Variants in NCKAP5 observed in about 807,000 individuals in gnomAD.
NCKAP5 encodes the protein nck-associated protein 5.
Under a neutral mutation model 167.0 loss-of-function variants are expected in NCKAP5, and 92 were observed. The observed-to-expected ratio is 0.55, with a 90% CI of 0.47 to 0.66. NCKAP5 has a LOEUF of 0.66. NCKAP5 is among the 30% of genes least tolerant of loss of function. NCKAP5 has a pLI of 0.00. For synonymous variants in NCKAP5, 891 were observed against 877.4 expected (o/e 1.02, Z -0.27); for missense variants, 2,378 against 2,315.0 (o/e 1.03, Z -0.56).
At chr2:133,450,093 G>A (rs1485482758) in intron 3 of NCKAP5, among the ~76,000 whole-genome samples, 3 of 152,196 alleles carry the variant, frequency 2.0e-5, no homozygotes, top group Non-Finnish European at 1.5e-5. Context: ...AGGCAATACA[G>A]GCCAAGTTGA....
chr2:133,574,307 G>C, the NCKAP5 span, among the ~76,000 whole-genome samples: 3 of 152,146 alleles, frequency 2.0e-5, no homozygotes, highest in East Asian at 1.9e-4. Flanking sequence ...AGACGACCAC[G>C]CTAGGATGTG....
At chr2:133,263,375 T>G (rs1484041080) in intron 4 of NCKAP5, among the ~76,000 whole-genome samples, 1 of 151,892 alleles carries the variant, frequency 6.6e-6, no homozygotes, top group Non-Finnish European at 1.5e-5. Context: ...ATCTTGAACC[T>G]TCCTCATAAC....
At chr2:133,395,777 T>C (rs540441057) in intron 3 of NCKAP5, among the ~76,000 whole-genome samples, 10 of 152,136 alleles carry the variant, frequency 6.6e-5, no homozygotes, top group Admixed American at 5.9e-4. Flanking sequence ...TCCTGAGTAG[T>C]TGAGGCTATA....
intron 11 of NCKAP5, among the ~76,000 whole-genome samples, chr2:132,852,519 C>A (rs1051213167): frequency 2.6e-5 from 4 of 152,186 alleles, no homozygotes; most frequent in Non-Finnish European, 5.9e-5. Context: ...AAATTTCAGC[C>A]AGCATGACAC....
rs1034585371 is a variant in NCKAP5 at position 132,867,749 on chromosome 2, A to C, written c.687+1187T>G. Among the ~76,000 whole-genome samples the C allele has an allele frequency of 4.6e-5, 7 of 152,200 alleles. No homozygotes were observed. In the East Asian group the frequency reaches 1.3e-3, roughly 29 times the overall value. ...GGGACCCCAAGGACTTTATGGAGCA[A>C]AGTTACCATTCCTGTTCGGCCTACC... On this transcript the variant is annotated intron_variant, in intron 10 of 19. Coordinates refer to ENST00000409261, the MANE Select transcript of NCKAP5 (RefSeq NM_207363.3).
intron 19 of NCKAP5, among the ~76,000 whole-genome samples, chr2:132,695,479 T>C (rs1687217703): frequency 6.6e-6 from 1 of 152,156 alleles, no homozygotes; most frequent in African/African-American, 2.4e-5. Context: ...CTTCCTTTTA[T>C]TCTATGTGTG....
intron 4 of NCKAP5, among the ~76,000 whole-genome samples, chr2:133,266,930 C>G (rs2089263900): frequency 6.6e-6 from 1 of 152,090 alleles, no homozygotes; most frequent in Admixed American, 6.5e-5. Flanking sequence ...TCGATTCCCA[C>G]CCCCTACCCA....
intron 6 of NCKAP5, among the ~76,000 whole-genome samples, chr2:133,110,799 C>T (rs186454084): frequency 5.6e-4 from 85 of 152,316 alleles, no homozygotes; most frequent in African/African-American, 1.9e-3. Flanking sequence ...CAAAATACCA[C>T]AGACTGGGGG....
intron 5 of NCKAP5, among the ~76,000 whole-genome samples, chr2:133,138,537 A>C (rs1574150266): frequency 2.0e-5 from 3 of 152,316 alleles, no homozygotes; most frequent in Admixed American, 2.0e-4. Context: ...TGTCATTTTC[A>C]CATCATGATT....
intron 3 of NCKAP5, among the ~76,000 whole-genome samples, chr2:133,324,261 C>T (rs1025031164): frequency 3.9e-5 from 6 of 152,220 alleles, no homozygotes; most frequent in Non-Finnish European, 8.8e-5. Flanking sequence ...ATAAACACCC[C>T]ACATTGAGAG....
At chr2:132,991,473 G>A (rs1020245491) in intron 7 of NCKAP5, among the ~76,000 whole-genome samples, 1 of 152,274 alleles carries the variant, frequency 6.6e-6, no homozygotes, top group South Asian at 2.1e-4. Flanking sequence ...TCCTTTGAGA[G>A]AATCCATGTT....
Position 133,409,090 on chromosome 2 carries a change from G to A in NCKAP5, c.70-105980C>T, listed in dbSNP as rs141556109. On this transcript the variant is annotated intron_variant, in intron 3 of 19. Transcript: ENST00000409261. ...ACATTTGCCATAGAGCTGAAGTGCT[G>A]TGAACCAATTTGGTCACACAAAATA... 1.5e-3 allele frequency among the ~76,000 whole-genome samples: 223 copies of A among 152,340 alleles called. 2 individuals are homozygous for A. The highest frequency in any genetic ancestry group is 5.3e-3 in the African/African-American group (221 of 41,576).
chr2:132,890,672 C>T (rs1333270024), intron 8 of NCKAP5, among the ~76,000 whole-genome samples: 1 of 152,186 alleles, frequency 6.6e-6, no homozygotes, highest in Non-Finnish European at 1.5e-5. Flanking sequence ...GAATCCCCTT[C>T]CCTCTATGAT....
At chr2:133,223,778 G>T (rs1258205079) in intron 4 of NCKAP5, among the ~76,000 whole-genome samples, 1 of 152,136 alleles carries the variant, frequency 6.6e-6, no homozygotes, top group Non-Finnish European at 1.5e-5. Flanking sequence ...GATCTTCACA[G>T]GATTTTGTGC....
chr2:132,882,762 G>A (rs987249676), intron 8 of NCKAP5, among the ~76,000 whole-genome samples: 7 of 152,052 alleles, frequency 4.6e-5, no homozygotes, highest in Non-Finnish European at 8.8e-5. Flanking sequence ...GAATCCAAAA[G>A]TTAAAACTAT....
At position 132,863,559 on chromosome 2, in the gene NCKAP5, T is replaced by C. The variant is rs906228161; in HGVS notation, c.688-2948A>G. On this transcript the variant is annotated intron_variant, in intron 10 of 19. Coordinates refer to ENST00000409261, the MANE Select transcript of NCKAP5 (RefSeq NM_207363.3). ...CAAAGGCCATTAGTATTACTTAAGG[T>C]ATGGTAAAAGTTCATTAGTGGGAAC... is the stretch of plus-strand genomic sequence containing the variant. Among the ~76,000 whole-genome samples the C allele has an allele frequency of 1.6e-4, 25 of 152,054 alleles. No individual in the cohort carries two copies. The East Asian group carries it at 2.1e-3, about 13-fold the overall frequency.
At chr2:133,409,435 G>C (rs1025355162) in intron 3 of NCKAP5, among the ~76,000 whole-genome samples, 10 of 152,180 alleles carry the variant, frequency 6.6e-5, no homozygotes, top group African/African-American at 2.4e-4. Flanking sequence ...CTGGACAACA[G>C]ACTTATAGGA....
At chr2:133,308,937 C>G (rs921758762) in intron 3 of NCKAP5, among the ~76,000 whole-genome samples, 1 of 151,066 alleles carries the variant, frequency 6.6e-6, no homozygotes, top group African/African-American at 2.4e-5. Flanking sequence ...GTCTCGATCT[C>G]CTGACCTCAT....
intron 6 of NCKAP5, among the ~76,000 whole-genome samples, chr2:133,093,120 G>C (rs1311282452): frequency 6.6e-6 from 1 of 152,166 alleles, no homozygotes; most frequent in Non-Finnish European, 1.5e-5. Context: ...GCTTAGCATA[G>C]TACCTAGGAC....
Sources: allele counts gnomAD v4.1 joint callset (sites outside exome capture counted in the v4.1 genomes callset), GRCh38; gene constraint gnomAD v4.1.1; transcripts MANE v1.5; gene names NCBI Gene and HGNC (gene_info 2026-07-23, HGNC 2026-07-21).